The following DNM3 variants were observed in gnomAD, a reference collection of about 807,000 sequenced individuals.
DNM3 encodes the protein dynamin-3.
DNM3 carries 47 observed loss-of-function variants against 101.6 expected under a neutral mutation model. The ratio of observed to expected loss-of-function variants is 0.46; its 90% confidence interval spans 0.37 to 0.59. The LOEUF (loss-of-function observed/expected upper bound fraction) is 0.59, where lower values mean the gene tolerates loss of function less well. Ranked by LOEUF, DNM3 falls within the 20% of genes least tolerant of loss-of-function variation. The pLI, the probability that DNM3 is intolerant of heterozygous loss-of-function variation, is 0.00. For synonymous variants in DNM3, 385 were observed against 387.9 expected, an observed-to-expected ratio of 0.99 and a Z score of 0.09; for missense variants, 849 against 1,085.7, an observed-to-expected ratio of 0.78 and a Z score of 3.06.
chr1:172,175,757 C>T (rs771625276), intron 14 of DNM3, among the ~76,000 whole-genome samples: 2 of 151,786 alleles, frequency 1.3e-5, no homozygotes, highest in African/African-American at 2.4e-5. Context: ...TATTAGTATG[C>T]TCTCTACCAC....
chr1:172,294,501 A>G (rs2064064203), intron 15 of DNM3, among the ~76,000 whole-genome samples: 1 of 152,180 alleles, frequency 6.6e-6, no homozygotes, highest in Non-Finnish European at 1.5e-5. Flanking sequence ...TAGTTATGTG[A>G]TCTTGGGAAC....
chr1:172,027,211 G>A (rs1268079820), intron 4 of DNM3, among the ~76,000 whole-genome samples: 1 of 152,120 alleles, frequency 6.6e-6, no homozygotes, highest in African/African-American at 2.4e-5. Context: ...TAGCCAGCTA[G>A]CATCATAATG....
intron 13 of DNM3, among the ~76,000 whole-genome samples, chr1:172,126,954 G>A (rs866711112): frequency 2.0e-5 from 3 of 152,114 alleles, no homozygotes; most frequent in South Asian, 2.1e-4. Flanking sequence ...TCTACATCAC[G>A]TGTGCAAAGT....
At chr1:171,864,678 A>G (rs1246543971) in intron 1 of DNM3, 9 of 152,230 alleles carry the variant, frequency 5.9e-5, no homozygotes, top group African/African-American at 1.9e-4. Context: ...GGAAGGAGGC[A>G]CAACACTTAT....
At chr1:171,944,054 A>G (rs1359957609) in intron 2 of DNM3, among the ~76,000 whole-genome samples, 1 of 152,192 alleles carries the variant, frequency 6.6e-6, no homozygotes, top group Non-Finnish European at 1.5e-5. Context: ...TAGGCTTTGC[A>G]GGACATAGTG....
chr1:172,054,389 C>T (rs976540529), intron 10 of DNM3, among the ~76,000 whole-genome samples: 1 of 152,172 alleles, frequency 6.6e-6, no homozygotes, highest in Non-Finnish European at 1.5e-5. Context: ...GACATCTCAA[C>T]TTTGAAATTA....
At chr1:172,194,131 T>C (rs1046236721) in intron 14 of DNM3, among the ~76,000 whole-genome samples, 3 of 152,200 alleles carry the variant, frequency 2.0e-5, no homozygotes, top group Non-Finnish European at 2.9e-5. Flanking sequence ...TGGTAGTCAT[T>C]CAGGAGCAGG....
Position 171,851,778 on chromosome 1 carries a change from T to C in DNM3, c.161+9961T>C, listed in dbSNP as rs113177074. ...TGGGCCATGATATCAGTTTAGTAGATGGTGTGTGACAGTGTTAAGCGAAGT... is the reference window on the plus strand; with the variant it reads ...TGGGCCATGATATCAGTTTAGTAGACGGTGTGTGACAGTGTTAAGCGAAGT... On this transcript the variant is annotated intron_variant, in intron 1 of 20. Coordinates refer to ENST00000627582, the MANE Select transcript of DNM3 (RefSeq NM_015569.5). 5.6e-3 allele frequency among the ~76,000 whole-genome samples: 852 copies of C among 152,344 alleles called. 10 individuals are homozygous for C. The highest frequency in any genetic ancestry group is 0.019 in the African/African-American group (807 of 41,578).
chr1:172,131,068 T>C, intron 13 of DNM3, 107 bp from the exon 14 acceptor site: 1 of 940,938 alleles, frequency 1.1e-6, no homozygotes, highest in Non-Finnish European at 1.7e-6. Context: ...GAAAATACTA[T>C]TTTTATTGCA....
chr1:171,998,573 G>C (rs2046161172), intron 4 of DNM3, among the ~76,000 whole-genome samples: 1 of 152,078 alleles, frequency 6.6e-6, no homozygotes, highest in South Asian at 2.1e-4. Flanking sequence ...TTATCATCAG[G>C]AATACAGTGG....
chr1:172,212,604 A>G (rs1170676665), intron 14 of DNM3, among the ~76,000 whole-genome samples: 1 of 152,158 alleles, frequency 6.6e-6, no homozygotes, highest in East Asian at 1.9e-4. Flanking sequence ...AGAAGGTGTG[A>G]TATGTCATTT....
intron 2 of DNM3, among the ~76,000 whole-genome samples, chr1:171,932,214 T>C (rs1163422055): frequency 6.6e-6 from 1 of 151,058 alleles, no homozygotes; most frequent in Admixed American, 6.6e-5. Flanking sequence ...TGATCATTGC[T>C]CAGTGTAACC....
At position 172,031,509 on chromosome 1, in the gene DNM3, G is replaced by A. The variant is rs529734253; in HGVS notation, c.590-893G>A. Reference sequence around the variant, plus strand: ...GGTGCAGCAAACCACCACGGCACTCGTATACCTATGTAACAGATCTACACA... The same window carrying A: ...GGTGCAGCAAACCACCACGGCACTCATATACCTATGTAACAGATCTACACA... On this transcript the variant is annotated intron_variant, in intron 4 of 20. Coordinates refer to ENST00000627582, the MANE Select transcript of DNM3 (RefSeq NM_015569.5). Among the ~76,000 whole-genome samples, 185 of 111,672 alleles carry A rather than the reference G, an allele frequency of 1.7e-3. 3 individuals carry two copies. In the South Asian group the frequency reaches 0.047, roughly 28 times the overall value. 73.3% of individuals were successfully genotyped at this position (111,672 alleles called of 152,430 possible).
chr1:172,231,407 C>T (rs936549957), intron 14 of DNM3, among the ~76,000 whole-genome samples: 13 of 152,138 alleles, frequency 8.5e-5, no homozygotes, highest in African/African-American at 2.7e-4. Context: ...GGAAAACTAA[C>T]AAACAGAAAG....
chr1:172,216,736 G>C (rs940030064), intron 14 of DNM3, among the ~76,000 whole-genome samples: 2 of 150,404 alleles, frequency 1.3e-5, no homozygotes, highest in Non-Finnish European at 3.0e-5. Flanking sequence ...GGGAGTAGAG[G>C]GAATACACAC....
At chr1:171,984,214 T>G (rs373139244) in intron 2 of DNM3, among the ~76,000 whole-genome samples, 1 of 152,120 alleles carries the variant, frequency 6.6e-6, no homozygotes, top group Admixed American at 6.5e-5. Flanking sequence ...TGCTCATCAT[T>G]GTCTGTCCTC....
intron 18 of DNM3, among the ~76,000 whole-genome samples, chr1:172,381,778 C>T (rs984562228): frequency 3.9e-5 from 6 of 152,018 alleles, no homozygotes; most frequent in African/African-American, 1.4e-4. Flanking sequence ...TCTTTTGACT[C>T]CTAATTCTAA....
chr1:172,150,830 G>T (rs17361768), intron 14 of DNM3, among the ~76,000 whole-genome samples: 1,911 of 152,310 alleles, frequency 0.013, 27 homozygotes, highest in South Asian at 0.062. Flanking sequence ...CTTTATGCAG[G>T]TAGGGCTGCT....
chr1:171,984,010 G>C (rs545877465), intron 2 of DNM3, among the ~76,000 whole-genome samples: 1 of 152,130 alleles, frequency 6.6e-6, no homozygotes, highest in South Asian at 2.1e-4. Context: ...TGGTGGCTTA[G>C]GTCAAACCCT....
Sources: allele counts gnomAD v4.1 joint callset (sites outside exome capture counted in the v4.1 genomes callset), GRCh38; gene constraint gnomAD v4.1.1; transcripts MANE v1.5; gene names NCBI Gene and HGNC (gene_info 2026-07-23, HGNC 2026-07-21).